ZFAT: variants seen among roughly 807,000 people sequenced by gnomAD.
The protein encoded by ZFAT is zinc finger protein ZFAT.
A neutral mutation model predicts 117.7 loss-of-function variants in ZFAT; 64 were observed. The ratio of observed to expected loss-of-function variants is 0.54; its 90% CI spans 0.44 to 0.67. The LOEUF (loss-of-function observed/expected upper bound fraction) is 0.67, where lower values mean the gene tolerates loss of function less well. ZFAT is among the 30% of genes least tolerant of loss of function. The probability of loss-of-function intolerance (pLI) is 0.00; values close to 1 mark genes in which losing one functional copy is unlikely to be tolerated. For missense variants in ZFAT, 1,433 were observed against 1,584.5 expected (o/e 0.90, Z 1.62); for synonymous variants, 679 against 615.0 (o/e 1.10, Z -1.54).
rs550266253 is a variant in ZFAT at position 134,681,880 on chromosome 8, A to C, written c.20-24143T>G. Among the ~76,000 whole-genome samples, 4 of 152,376 alleles carry C rather than the reference A, an allele frequency of 2.6e-5. No homozygotes were observed. The South Asian group carries it at 8.3e-4, about 32-fold the overall frequency. On this transcript the variant is annotated intron_variant, in intron 1 of 15. Transcript: ENST00000377838. Reference sequence around the variant, plus strand: ...CCAGATTGCTGTCACATCCAGCGGAATCAATAAAGTCTCATATGTGCAGCT... The same window carrying C: ...CCAGATTGCTGTCACATCCAGCGGACTCAATAAAGTCTCATATGTGCAGCT...
intron 9 of ZFAT, among the ~76,000 whole-genome samples, chr8:134,584,279 G>A (rs1563632052): frequency 6.6e-6 from 1 of 152,074 alleles, no homozygotes; most frequent in Non-Finnish European, 1.5e-5. Context: ...GACCTTCCCT[G>A]GTAGATTTCC....
At chr8:134,769,425 G>A in the ZFAT span, among the ~76,000 whole-genome samples, 1 of 152,174 alleles carries the variant, frequency 6.6e-6, no homozygotes, top group Non-Finnish European at 1.5e-5. Context: ...TATCTCCTTT[G>A]ACTCTATGTT....
intron 3 of ZFAT, among the ~76,000 whole-genome samples, chr8:134,632,404 G>A (rs1829949414): frequency 6.6e-6 from 1 of 152,186 alleles, no homozygotes; most frequent in Non-Finnish European, 1.5e-5. Context: ...TTTGAGGAGA[G>A]TCAAAAGTTA....
chr8:134,750,733 T>C, the ZFAT span, among the ~76,000 whole-genome samples: 4 of 152,120 alleles, frequency 2.6e-5, no homozygotes, highest in Non-Finnish European at 5.9e-5. Flanking sequence ...ACCACTGCAC[T>C]CCAGCCTGGA....
At chr8:134,512,415 C>A in intron 14 of ZFAT, 60 bp downstream of exon 14, 2 of 1,589,094 alleles carry the variant, frequency 1.3e-6, no homozygotes, top group Non-Finnish European at 8.6e-7. Context: ...CAAACGCATT[C>A]ATTCAGCATG....
intron 12 of ZFAT, among the ~76,000 whole-genome samples, chr8:134,524,780 A>G (rs929655429): frequency 3.9e-5 from 6 of 152,212 alleles, no homozygotes; most frequent in African/African-American, 1.4e-4. Flanking sequence ...TGTCAGGATC[A>G]GCTAACATCC....
chr8:134,680,487 A>T (rs1009515298), intron 1 of ZFAT, among the ~76,000 whole-genome samples: 12 of 151,422 alleles, frequency 7.9e-5, no homozygotes, highest in Admixed American at 2.0e-4. Context: ...TACCTTTTTT[A>T]AAAAAAATGA....
intron 12 of ZFAT, among the ~76,000 whole-genome samples, chr8:134,530,409 A>T (rs1389466795): frequency 6.6e-6 from 1 of 152,198 alleles, no homozygotes; most frequent in Non-Finnish European, 1.5e-5. Flanking sequence ...ATCTGGTTTC[A>T]TGTTCTCCTT....
At chr8:134,679,874 C>A (rs1489500689) in intron 1 of ZFAT, among the ~76,000 whole-genome samples, 1 of 137,008 alleles carries the variant, frequency 7.3e-6, no homozygotes, top group Admixed American at 8.4e-5. Flanking sequence ...CACTCATAAA[C>A]GGGAGTTGAA....
At chr8:134,519,085 G>A (rs763415027) in intron 13 of ZFAT, among the ~76,000 whole-genome samples, 1 of 152,098 alleles carries the variant, frequency 6.6e-6, no homozygotes, top group Non-Finnish European at 1.5e-5. Flanking sequence ...TTATTCCCAA[G>A]GGTTTCCTAG....
intron 11 of ZFAT, among the ~76,000 whole-genome samples, chr8:134,552,240 G>T (rs369047087): frequency 1.5e-4 from 23 of 151,808 alleles, no homozygotes; most frequent in African/African-American, 5.3e-4. Context: ...GAAGTGCCTG[G>T]TATTCAGAAA....
At chr8:134,752,872 C>T in the ZFAT span, among the ~76,000 whole-genome samples, 1 of 152,160 alleles carries the variant, frequency 6.6e-6, no homozygotes, top group African/African-American at 2.4e-5. Context: ...AGTACCTCCA[C>T]AAGGCCCCAT....
intron 10 of ZFAT, among the ~76,000 whole-genome samples, chr8:134,572,698 C>A (rs11997945): frequency 0.019 from 2,962 of 152,174 alleles, 95 homozygotes; most frequent in African/African-American, 0.068. Context: ...CTGAGCCACA[C>A]CTTGTAAATA....
At chr8:134,812,417 T>C in the ZFAT span, among the ~76,000 whole-genome samples, 23 of 152,278 alleles carry the variant, frequency 1.5e-4, no homozygotes, top group African/African-American at 5.1e-4. Context: ...AGAACTTAAC[T>C]AATAAAACCA....
chr8:134,758,185 G>A, the ZFAT span, among the ~76,000 whole-genome samples: 1 of 152,180 alleles, frequency 6.6e-6, no homozygotes, highest in Non-Finnish European at 1.5e-5. Flanking sequence ...AGAAATGTGA[G>A]GGGGATTGGC....
chr8:134,584,523 G>A (rs1586754394), intron 9 of ZFAT, among the ~76,000 whole-genome samples: 1 of 152,236 alleles, frequency 6.6e-6, no homozygotes, highest in East Asian at 1.9e-4. Context: ...TCAGGCACCA[G>A]GACCAAATGT....
the ZFAT span, among the ~76,000 whole-genome samples, chr8:134,735,105 A>T: frequency 1.3e-5 from 2 of 152,280 alleles, no homozygotes; most frequent in East Asian, 3.9e-4. Context: ...TGTCACTGTG[A>T]GTTGGGCCTT....
chr8:134,637,109 C>T (rs115852391), intron 3 of ZFAT, among the ~76,000 whole-genome samples: 2,207 of 152,346 alleles, frequency 0.014, 63 homozygotes, highest in African/African-American at 0.052. Context: ...CTTTCTCCTG[C>T]TGACAATTTG....
At chr8:134,706,939 T>C (rs139039088) in intron 1 of ZFAT, among the ~76,000 whole-genome samples, 8 of 151,908 alleles carry the variant, frequency 5.3e-5, no homozygotes, top group African/African-American at 1.4e-4. Context: ...GAGATCTTTC[T>C]TTCTGAAAGG....
Sources: allele counts gnomAD v4.1 joint callset (sites outside exome capture counted in the v4.1 genomes callset), GRCh38; gene constraint gnomAD v4.1.1; transcripts MANE v1.5; gene names NCBI Gene and HGNC (gene_info 2026-07-23, HGNC 2026-07-21).